The following CPM variants were observed in gnomAD, a reference collection of about 807,000 sequenced individuals.
CPM encodes carboxypeptidase M, also known as renal carboxypeptidase.
CPM carries 35 observed loss-of-function variants against 46.4 expected under a neutral mutation model. The observed-to-expected ratio is 0.75, with a 90% CI of 0.58 to 1.00. The LOEUF is 1.00. Among genes scored for constraint, CPM ranks in the 50% least tolerant of loss-of-function variants. The pLI is 0.00. For missense variants in CPM, 422 were observed against 530.4 expected (o/e 0.80, Z 2.01); for synonymous variants, 195 against 195.3 (o/e 1.00, Z 0.01).
exon 6 of CPM, chr12:68,842,245 A>G (rs1464998657): frequency 1.4e-5 from 7 of 497,652 alleles, no homozygotes; most frequent in African/African-American, 1.4e-4. Flanking sequence ...GAACAAATTC[A>G]AGAAAAAGGA....
chr12:68,898,909 G>A (rs1382614331), intron 2 of CPM, among the ~76,000 whole-genome samples: 1 of 152,158 alleles, frequency 6.6e-6, no homozygotes, highest in African/African-American at 2.4e-5. Context: ...TAAAAATAGT[G>A]CCAGAAACAT....
At chr12:68,896,559 T>C (rs1886884268) in intron 2 of CPM, among the ~76,000 whole-genome samples, 1 of 152,140 alleles carries the variant, frequency 6.6e-6, no homozygotes, top group Non-Finnish European at 1.5e-5. Context: ...TGAAACTGTT[T>C]TCCAGTATTG....
chr12:68,847,210 A>AAATATATATATATATATATATATATG (rs1884373826), downstream of CPM: 1 of 135,132 alleles, frequency 7.4e-6, no homozygotes, highest in African/African-American at 3.1e-5. Context: ...ATATATATAT[A>AAATATATATATATATATATATATATG]TACTTTTTTT....
chr12:68,962,328 T>C (rs989038754), intron 1 of CPM, among the ~76,000 whole-genome samples: 11 of 152,072 alleles, frequency 7.2e-5, no homozygotes, highest in Non-Finnish European at 1.6e-4. Context: ...TGTTGGGACA[T>C]GGAAAACAAC....
At chr12:68,911,585 T>C (rs1183519176) in intron 2 of CPM, among the ~76,000 whole-genome samples, 2 of 152,162 alleles carry the variant, frequency 1.3e-5, no homozygotes, top group Non-Finnish European at 2.9e-5. Context: ...TAAACAGTAG[T>C]TTGAGGGTTT....
At chr12:68,925,661 T>C (rs11613960) in intron 2 of CPM, among the ~76,000 whole-genome samples, 20,549 of 152,226 alleles carry the variant, frequency 0.13, 1,419 homozygotes, top group African/African-American at 0.17. Context: ...CTGTGTAGTA[T>C]GATTGCAGTC....
chr12:68,955,829 G>T (rs990290497), intron 1 of CPM, among the ~76,000 whole-genome samples: 1 of 152,162 alleles, frequency 6.6e-6, no homozygotes, highest in Non-Finnish European at 1.5e-5. Flanking sequence ...AGGCTTTAGA[G>T]GGGAGAAAGT....
chr12:68,942,208 T>A (rs921247125), intron 1 of CPM, among the ~76,000 whole-genome samples: 1 of 152,256 alleles, frequency 6.6e-6, no homozygotes, highest in Non-Finnish European at 1.5e-5. Flanking sequence ...CTGTTTGTTA[T>A]GCAAGTTGTC....
chr12:68,842,694 T>C (rs1214180575), intron 5 of CPM: 2 of 198,544 alleles, frequency 1.0e-5, no homozygotes, highest in Non-Finnish European at 2.1e-5. Context: ...GCTAGTGATA[T>C]ATATAAAGTA....
intron 6 of CPM, among the ~76,000 whole-genome samples, 186 bp downstream of exon 6, chr12:68,869,139 G>C (rs756843266): frequency 6.6e-6 from 1 of 152,126 alleles, no homozygotes; most frequent in Non-Finnish European, 1.5e-5. Flanking sequence ...TGGTAATGAG[G>C]AACATGTCTG....
At chr12:68,929,547 G>A (rs1335989428) in intron 2 of CPM, among the ~76,000 whole-genome samples, 2 of 152,102 alleles carry the variant, frequency 1.3e-5, no homozygotes, top group East Asian at 3.8e-4. Flanking sequence ...TCCTTCAAAA[G>A]GCTCAACTGA....
chr12:68,920,826 G>A (rs1294317808), intron 2 of CPM, among the ~76,000 whole-genome samples: 1 of 150,918 alleles, frequency 6.6e-6, no homozygotes, highest in Non-Finnish European at 1.5e-5. Flanking sequence ...GAGTAGCTGG[G>A]ATTACAGGTG....
chr12:68,845,637 A>G (rs1884235851), intron 5 of CPM: 1 of 176,462 alleles, frequency 5.7e-6, no homozygotes, highest in African/African-American at 2.4e-5. Flanking sequence ...TTCGATAGGC[A>G]TTTTCATGTT....
chr12:68,937,350 G>T (rs972378229), upstream of CPM, among the ~76,000 whole-genome samples: 1 of 152,176 alleles, frequency 6.6e-6, no homozygotes, highest in African/African-American at 2.4e-5. Flanking sequence ...CAGACATTTG[G>T]CAATATCTTG....
At chr12:68,920,699 C>CT (rs1287491577) in intron 2 of CPM, among the ~76,000 whole-genome samples, 15 of 125,242 alleles carry the variant, frequency 1.2e-4, no homozygotes, top group Admixed American at 9.1e-5. Flanking sequence ...TTTTCTTTTT[C>CT]TTTTTTTTTT....
chr12:68,925,290 T>TTAA lies in CPM; in HGVS notation c.160+7385_160+7387dup, dbSNP rs537840003. Reference sequence around the variant, plus strand: ...TAGTAATTTCCTTTTTGGGTATGTATTAATAATAATAATAATAGCAGCTTT... The same window carrying TTAA: ...TAGTAATTTCCTTTTTGGGTATGTATTAATAATAATAATAATAATAGCAGCTTT... On this transcript the variant is annotated intron_variant, in intron 2 of 8. Transcript: ENST00000551568. Among the ~76,000 whole-genome samples, 312 of 152,102 alleles carry TTAA rather than the reference T, an allele frequency of 2.1e-3. 1 individual carries two copies. The highest frequency in any genetic ancestry group is 2.9e-3 in the Non-Finnish European group (199 of 67,976).
At chr12:68,896,255 T>C (rs1157725226) in intron 2 of CPM, among the ~76,000 whole-genome samples, 1 of 152,168 alleles carries the variant, frequency 6.6e-6, no homozygotes, top group Non-Finnish European at 1.5e-5. Flanking sequence ...ATCCAACACC[T>C]TCCTGATCCT....
intron 2 of CPM, among the ~76,000 whole-genome samples, chr12:68,923,074 C>G (rs1297139231): frequency 6.6e-6 from 1 of 151,470 alleles, no homozygotes; most frequent in Non-Finnish European, 1.5e-5. Flanking sequence ...ACTACAGGAC[C>G]AAGCCTAGCT....
At chr12:68,843,341 G>A (rs1015765897) in intron 5 of CPM, 28 of 230,500 alleles carry the variant, frequency 1.2e-4, no homozygotes, top group African/African-American at 5.5e-4. Context: ...TTAATGTATT[G>A]AATGTTCTTG....
Sources: allele counts gnomAD v4.1 joint callset (sites outside exome capture counted in the v4.1 genomes callset), GRCh38; gene constraint gnomAD v4.1.1; transcripts MANE v1.5; gene names NCBI Gene and HGNC (gene_info 2026-07-23, HGNC 2026-07-21).